CDKAL1: variants seen among roughly 807,000 people sequenced by gnomAD.
CDKAL1 encodes the protein threonylcarbamoyladenosine tRNA methylthiotransferase.
In CDKAL1, 32 loss-of-function variants were observed where a neutral mutation model predicts 68.2. The observed-to-expected ratio is 0.47, with a 90% CI of 0.35 to 0.63. The LOEUF is 0.63. Ranked by LOEUF, CDKAL1 falls within the 30% of genes least tolerant of loss-of-function variation. The pLI, the probability that CDKAL1 is intolerant of heterozygous loss-of-function variation, is 0.00. For missense variants in CDKAL1, 606 were observed against 696.7 expected, an observed-to-expected ratio of 0.87 and a Z score of 1.47; for synonymous variants, 234 against 244.3, an observed-to-expected ratio of 0.96 and a Z score of 0.39.
chr6:20,676,025 A>T (rs1770078053), intron 5 of CDKAL1, among the ~76,000 whole-genome samples: 1 of 152,164 alleles, frequency 6.6e-6, no homozygotes, highest in South Asian at 2.1e-4. Context: ...AATGTTCAAA[A>T]GGTAAATTAA....
At chr6:20,869,412 C>G (rs566503304) in intron 9 of CDKAL1, among the ~76,000 whole-genome samples, 5 of 152,060 alleles carry the variant, frequency 3.3e-5, no homozygotes, top group Non-Finnish European at 7.4e-5. Flanking sequence ...AAATAGTAAA[C>G]CACATTGCAT....
chr6:21,135,693 T>G, intron 13 of CDKAL1: 1 of 985,034 alleles, frequency 1.0e-6, no homozygotes, highest in South Asian at 4.7e-5. Context: ...GACATTCATC[T>G]GGAAGCTGGG....
chr6:20,661,783 CA>C (rs1769295199), intron 5 of CDKAL1, among the ~76,000 whole-genome samples: 2 of 152,152 alleles, frequency 1.3e-5, no homozygotes, highest in South Asian at 4.1e-4. Flanking sequence ...GTTACATCAA[CA>C]GTTGCTTTGT....
At chr6:20,724,490 A>C (rs916319027) in intron 5 of CDKAL1, among the ~76,000 whole-genome samples, 1 of 152,014 alleles carries the variant, frequency 6.6e-6, no homozygotes, top group African/African-American at 2.4e-5. Flanking sequence ...GCCAAGGAGG[A>C]CAGATGGCTT....
intron 9 of CDKAL1, among the ~76,000 whole-genome samples, chr6:20,863,559 G>A (rs1269341405): frequency 2.6e-5 from 4 of 152,276 alleles, no homozygotes; most frequent in South Asian, 2.1e-4. Context: ...TGGAAGCAGC[G>A]AACATTCTCA....
At chr6:20,895,570 A>T (rs564712011) in intron 9 of CDKAL1, among the ~76,000 whole-genome samples, 2 of 152,226 alleles carry the variant, frequency 1.3e-5, no homozygotes, top group African/African-American at 4.8e-5. Flanking sequence ...GGAAAGATGG[A>T]CATGAATACA....
chr6:20,567,236 C>T lies in CDKAL1; in HGVS notation c.286+18531C>T, dbSNP rs538077234. ...CCATTGAAAGTAATGGCAAAGACCA[C>T]GATTACTTTTGCACCAGCCTGTATT... On this transcript the variant is annotated intron_variant, in intron 4 of 15. Coordinates refer to ENST00000274695, the MANE Select transcript of CDKAL1 (RefSeq NM_017774.3). Among the ~76,000 whole-genome samples the T allele has an allele frequency of 7.4e-5, 11 of 148,424 alleles. No individual in the cohort carries two copies. In the East Asian group the frequency reaches 1.9e-3, roughly 26 times the overall value.
In CDKAL1 at chr6:20,957,071, A is replaced by T. The variant is rs149979319; in HGVS notation, c.909+1486A>T. On this transcript the variant is annotated intron_variant, in intron 10 of 15. Coordinates refer to ENST00000274695, the MANE Select transcript of CDKAL1 (RefSeq NM_017774.3). ...GCTGTGACAGTCTTGCTGTGTTTGCAGTAAATGTGAGGCATACATCGTGAA... is the reference window on the plus strand; with the variant it reads ...GCTGTGACAGTCTTGCTGTGTTTGCTGTAAATGTGAGGCATACATCGTGAA... Among the ~76,000 whole-genome samples the T allele has an allele frequency of 2.6e-3, 385 of 150,768 alleles. 4 individuals are homozygous for T. Among genetic ancestry groups the T allele is most frequent in the African/African-American group, 8.4e-3 (346 of 41,132 alleles).
intron 4 of CDKAL1, among the ~76,000 whole-genome samples, chr6:20,594,663 C>T (rs1765742859): frequency 6.6e-6 from 1 of 152,162 alleles, no homozygotes; most frequent in Admixed American, 6.5e-5. Flanking sequence ...TTAGTTGGGG[C>T]ATTTAGCCCA....
intron 9 of CDKAL1, among the ~76,000 whole-genome samples, chr6:20,856,549 G>A (rs1441263143): frequency 1.3e-5 from 2 of 152,180 alleles, no homozygotes; most frequent in African/African-American, 4.8e-5. Context: ...TAGTTAATGG[G>A]TATCTAACGT....
intron 15 of CDKAL1, among the ~76,000 whole-genome samples, chr6:21,219,771 A>C (rs571130184): frequency 6.6e-5 from 10 of 152,360 alleles, no homozygotes; most frequent in Admixed American, 1.3e-4. Flanking sequence ...TTCATTTAAA[A>C]TACAAACCAA....
intron 8 of CDKAL1, among the ~76,000 whole-genome samples, chr6:20,841,734 C>CA (rs1235576575): frequency 1.8e-4 from 28 of 151,764 alleles, no homozygotes; most frequent in Admixed American, 3.3e-4. Flanking sequence ...CCTGTCTTTA[C>CA]AAAAAAAACC....
At chr6:20,941,163 G>T (rs1247823807) in intron 9 of CDKAL1, among the ~76,000 whole-genome samples, 1 of 151,226 alleles carries the variant, frequency 6.6e-6, no homozygotes, top group Non-Finnish European at 1.5e-5. Flanking sequence ...GCCACATATG[G>T]CTTGTGGTTT....
At chr6:20,649,929 T>A (rs1768671714) in intron 5 of CDKAL1, among the ~76,000 whole-genome samples, 1 of 152,252 alleles carries the variant, frequency 6.6e-6, no homozygotes, top group Non-Finnish European at 1.5e-5. Flanking sequence ...TAGTATTCCA[T>A]GGTGTATATG....
Position 21,115,607 on chromosome 6 carries a change from T to G in CDKAL1, c.1299+7144T>G, listed in dbSNP as rs560762667. Among the ~76,000 whole-genome samples, 392 of 152,346 alleles carry G rather than the reference T, an allele frequency of 2.6e-3. 1 individual carries two copies. The highest frequency in any genetic ancestry group is 9.0e-3 in the African/African-American group (373 of 41,588). On this transcript the variant is annotated intron_variant, in intron 13 of 15. Coordinates refer to ENST00000274695, the MANE Select transcript of CDKAL1 (RefSeq NM_017774.3). ...ATCTTTGGCAAAAATAAAAAAGTGT[T>G]TAAAAAGTAATTTTAGGGATGTTGT...
chr6:20,685,921 A>G (rs1428012912), intron 5 of CDKAL1, among the ~76,000 whole-genome samples: 1 of 152,020 alleles, frequency 6.6e-6, no homozygotes, highest in Admixed American at 6.5e-5. Context: ...TCATGTACCT[A>G]TTTTGTTAGG....
intron 2 of CDKAL1, among the ~76,000 whole-genome samples, chr6:20,536,574 A>G (rs533621010): frequency 5.2e-4 from 79 of 152,310 alleles, no homozygotes; most frequent in African/African-American, 1.8e-3. Context: ...TTTATGAAAG[A>G]ATAATTCTGG....
chr6:20,964,895 C>T (rs1237673117), intron 10 of CDKAL1, among the ~76,000 whole-genome samples: 1 of 152,108 alleles, frequency 6.6e-6, no homozygotes, highest in Non-Finnish European at 1.5e-5. Context: ...TTATAAAATG[C>T]AGTGACACAC....
intron 7 of CDKAL1, among the ~76,000 whole-genome samples, chr6:20,778,614 G>A (rs893516305): frequency 1.3e-5 from 2 of 152,176 alleles, no homozygotes; most frequent in Non-Finnish European, 2.9e-5. Flanking sequence ...GAGCTGATGT[G>A]TATGTAGTTC....
Sources: allele counts gnomAD v4.1 joint callset (sites outside exome capture counted in the v4.1 genomes callset), GRCh38; gene constraint gnomAD v4.1.1; transcripts MANE v1.5; gene names NCBI Gene and HGNC (gene_info 2026-07-23, HGNC 2026-07-21).